Variants in ZDHHC2 observed in about 807,000 individuals in gnomAD.
The protein encoded by ZDHHC2 is palmitoyltransferase ZDHHC2.
In ZDHHC2, 51 loss-of-function variants were observed where a neutral mutation model predicts 55.6. The ratio of observed to expected loss-of-function variants is 0.92; its 90% CI spans 0.73 to 1.16. The LOEUF (loss-of-function observed/expected upper bound fraction) is 1.16. Among genes scored for constraint, ZDHHC2 ranks in the 50% most tolerant of loss-of-function variants. The pLI is 0.00. For synonymous variants in ZDHHC2, 199 were observed against 152.9 expected (o/e 1.30, Z -2.22); for missense variants, 491 against 442.4 (o/e 1.11, Z -0.99).
chr8:17,210,210 C>G (rs1309930628), intron 9 of ZDHHC2, 152 bp downstream of exon 9: 1 of 1,095,156 alleles, frequency 9.1e-7, no homozygotes, highest in Admixed American at 2.9e-5. Flanking sequence ...ACCATAATAT[C>G]AGTGTGGAAG....
intron 3 of ZDHHC2, among the ~76,000 whole-genome samples, chr8:17,194,468 C>T (rs1806201233): frequency 6.6e-6 from 1 of 151,730 alleles, no homozygotes; most frequent in Non-Finnish European, 1.5e-5. Context: ...TTTTCCATCT[C>T]TGCTGTGCAT....
intron 3 of ZDHHC2, among the ~76,000 whole-genome samples, chr8:17,193,443 A>C (rs1159424852): frequency 6.6e-6 from 1 of 152,156 alleles, no homozygotes; most frequent in Non-Finnish European, 1.5e-5. Flanking sequence ...GTGACATGGC[A>C]CCTCTGTGGC....
At chr8:17,200,482 C>A (rs755538622) in intron 6 of ZDHHC2, among the ~76,000 whole-genome samples, 1 of 152,148 alleles carries the variant, frequency 6.6e-6, no homozygotes, top group Non-Finnish European at 1.5e-5. Context: ...GAGTGGTAGT[C>A]ATCATAGGCA....
intron 7 of ZDHHC2, 22 bp downstream of exon 7, chr8:17,205,797 T>A: frequency 3.2e-6 from 5 of 1,584,616 alleles, no homozygotes; most frequent in Non-Finnish European, 4.3e-6. Context: ...ACTTGGTAAC[T>A]CTTTTTTTGG....
At chr8:17,191,114 A>C (rs559053545) in intron 3 of ZDHHC2, among the ~76,000 whole-genome samples, 2 of 151,766 alleles carry the variant, frequency 1.3e-5, no homozygotes, top group South Asian at 2.1e-4. Flanking sequence ...AGTGCCTGCC[A>C]CCACGCCCGG....
At chr8:17,197,765 C>A (rs1806395913) in intron 5 of ZDHHC2, 114 bp downstream of exon 5, 4 of 1,176,056 alleles carry the variant, frequency 3.4e-6, no homozygotes, top group Admixed American at 4.2e-5. Flanking sequence ...CTTCTCAGCC[C>A]TTGATTTAGG....
intron 1 of ZDHHC2, among the ~76,000 whole-genome samples, chr8:17,177,670 A>G (rs896898950): frequency 2.0e-5 from 3 of 152,196 alleles, no homozygotes; most frequent in African/African-American, 7.2e-5. Flanking sequence ...TGAGTTAAAG[A>G]TAAACAGAAA....
intron 1 of ZDHHC2, among the ~76,000 whole-genome samples, chr8:17,178,940 C>T (rs1805292590): frequency 6.6e-6 from 1 of 152,166 alleles, no homozygotes; most frequent in East Asian, 1.9e-4. Context: ...TATATGTTGT[C>T]CTACTCTGTT....
At chr8:17,175,858 A>G (rs1468296797) in intron 1 of ZDHHC2, among the ~76,000 whole-genome samples, 2 of 152,220 alleles carry the variant, frequency 1.3e-5, no homozygotes, top group African/African-American at 4.8e-5. Flanking sequence ...CCCTGAAGGA[A>G]GAGAAAGAAG....
chr8:17,184,696 C>G, intron 1 of ZDHHC2, 93 bp from the exon 2 acceptor site: 1 of 1,021,978 alleles, frequency 9.8e-7, no homozygotes, highest in Non-Finnish European at 1.4e-6. Flanking sequence ...GAAGGGAAGC[C>G]ACATTATTAA....
chr8:17,190,833 T>C (rs1805987510), intron 3 of ZDHHC2, among the ~76,000 whole-genome samples: 1 of 152,052 alleles, frequency 6.6e-6, no homozygotes, highest in South Asian at 2.1e-4. Context: ...ACCACAAGCA[T>C]TTGTATTTTG....
At chr8:17,190,601 A>G (rs1805973569) in intron 3 of ZDHHC2, among the ~76,000 whole-genome samples, 1 of 152,218 alleles carries the variant, frequency 6.6e-6, no homozygotes, top group Non-Finnish European at 1.5e-5. Context: ...TATAAAAGTA[A>G]TACAACCGCA....
At chr8:17,161,551 C>A (rs568572476) in intron 1 of ZDHHC2, among the ~76,000 whole-genome samples, 1 of 152,196 alleles carries the variant, frequency 6.6e-6, no homozygotes, top group Non-Finnish European at 1.5e-5. Context: ...TTAACGCCTA[C>A]GTCACCTTAG....
chr8:17,189,170 C>T (rs1329843701), intron 3 of ZDHHC2, among the ~76,000 whole-genome samples: 7 of 130,784 alleles, frequency 5.4e-5, no homozygotes, highest in African/African-American at 2.0e-4. Flanking sequence ...GTATTTTCAA[C>T]ACAGTAGCCA....
intron 1 of ZDHHC2, 28 bp downstream of exon 1, chr8:17,156,881 C>G (rs1804079629): frequency 6.8e-7 from 1 of 1,480,514 alleles, no homozygotes; most frequent in South Asian, 1.3e-5. Context: ...CGCGGCGCCC[C>G]CAGCGCAGCG....
intron 3 of ZDHHC2, among the ~76,000 whole-genome samples, chr8:17,194,656 T>A (rs559090621): frequency 6.6e-6 from 1 of 152,174 alleles, no homozygotes; most frequent in Non-Finnish European, 1.5e-5. Flanking sequence ...TTCTATAAGA[T>A]TGTTTTATGT....
chr8:17,165,153 C>T (rs1449075399), intron 1 of ZDHHC2, among the ~76,000 whole-genome samples: 21 of 152,276 alleles, frequency 1.4e-4, no homozygotes, highest in Admixed American at 1.2e-3. Context: ...AGGCCAACTG[C>T]GAGCATGAAA....
At chr8:17,166,820 A>G (rs1182580454) in intron 1 of ZDHHC2, among the ~76,000 whole-genome samples, 2 of 152,290 alleles carry the variant, frequency 1.3e-5, no homozygotes, top group Non-Finnish European at 2.9e-5. Context: ...AGGACTGAGA[A>G]TTTAACAATG....
chr8:17,204,656 T>C (rs772037458), intron 6 of ZDHHC2, among the ~76,000 whole-genome samples: 53 of 152,168 alleles, frequency 3.5e-4, no homozygotes, highest in South Asian at 1.2e-3. Context: ...TGGGGCCTTT[T>C]GGAGGGAGGA....
Sources: allele counts gnomAD v4.1 joint callset (sites outside exome capture counted in the v4.1 genomes callset), GRCh38; gene constraint gnomAD v4.1.1; transcripts MANE v1.5; gene names NCBI Gene and HGNC (gene_info 2026-07-23, HGNC 2026-07-21).